Variants in MAST1 observed in about 807,000 individuals in gnomAD.
The protein encoded by MAST1 is microtubule-associated serine/threonine-protein kinase 1.
In MAST1, 40 loss-of-function variants were observed where a neutral mutation model predicts 124.6. The observed-to-expected ratio is 0.32, with a 90% CI of 0.25 to 0.42. The LOEUF (loss-of-function observed/expected upper bound fraction) is 0.42. Among genes scored for constraint, MAST1 ranks in the 10% least tolerant of loss-of-function variants. MAST1 has a pLI of 1.00. For synonymous variants in MAST1, 938 were observed against 939.4 expected, an observed-to-expected ratio of 1.00 and a Z score of 0.03; for missense variants, 1,558 against 2,181.9, an observed-to-expected ratio of 0.71 and a Z score of 5.70.
intron 22 of MAST1, 145 bp from the exon 23 acceptor site, chr19:12,870,679 A>AT (rs1970221867): frequency 3.3e-6 from 3 of 908,086 alleles, no homozygotes; most frequent in Non-Finnish European, 4.7e-6. Context: ...AAAAAAAAAA[A>AT]TGTGGGGGGA....
At position 12,873,459 on chromosome 19, in the gene MAST1, G is replaced by A; in HGVS notation, c.3399G>A (p.Pro1133=). The change falls in exon 25 of 26, where the codon CCG becomes CCA. Residue 1133 remains proline, a synonymous_variant. Transcript: ENST00000251472. The part of the protein sequence containing the change: ...SLPGSPTHGL[P]ARSPTHSYRS... ...CGGGCTCGCCTACGCACGGGCTGCCGGCGCGCTCGCCCACGCACAGCTACC... is the reference window on the plus strand; with the variant it reads ...CGGGCTCGCCTACGCACGGGCTGCCAGCGCGCTCGCCCACGCACAGCTACC... 6.2e-7 allele frequency: 1 copy of A among 1,610,616 alleles called. No individual in the cohort carries two copies. The highest frequency in any genetic ancestry group is 8.5e-7 in the Non-Finnish European group (1 of 1,179,696).
intron 12 of MAST1, among the ~76,000 whole-genome samples, chr19:12,864,523 C>T (rs1015311871): frequency 4.1e-4 from 62 of 152,242 alleles, no homozygotes; most frequent in African/African-American, 1.5e-3. Flanking sequence ...GCCTTTGTTC[C>T]CCAACTAAAC....
At chr19:12,844,335 G>T (rs6511841) in intron 4 of MAST1, among the ~76,000 whole-genome samples, 54,208 of 152,054 alleles carry the variant, frequency 0.36, 11,420 homozygotes, top group East Asian at 0.59. Context: ...CCCTTATCCA[G>T]CCATTGGCAT....
chr19:12,857,415 CTT>C (rs775653221), intron 10 of MAST1, among the ~76,000 whole-genome samples: 15 of 140,208 alleles, frequency 1.1e-4, no homozygotes, highest in Admixed American at 2.2e-4. Flanking sequence ...GGCCAAGAAT[CTT>C]TTTTTTTTTT....
At chr19:12,851,458 G>C (rs10407116) in intron 7 of MAST1, among the ~76,000 whole-genome samples, 1 of 151,428 alleles carries the variant, frequency 6.6e-6, no homozygotes, top group Non-Finnish European at 1.5e-5. Context: ...ACAGGGTCTC[G>C]CTATGGTTTT....
rs540438402 is a variant in MAST1, at chr19:12,842,647, G to C, written c.249-882G>C. On this transcript the variant is annotated intron_variant, in intron 3 of 25. Coordinates refer to ENST00000251472, the MANE Select transcript of MAST1 (RefSeq NM_014975.3). The stretch of plus-strand genomic sequence containing the variant: ...ACATGCACATGCTAATGTGTGTTGT[G>C]CACTCACATGAGCACGCGCCGATGT... Among the ~76,000 whole-genome samples, 3 of 152,304 alleles carry C rather than the reference G, an allele frequency of 2.0e-5. No homozygotes were observed. In the South Asian group the frequency reaches 6.2e-4, roughly 32 times the overall value.
intron 12 of MAST1, among the ~76,000 whole-genome samples, chr19:12,861,764 G>A (rs973933451): frequency 2.0e-5 from 3 of 146,510 alleles, no homozygotes; most frequent in Admixed American, 1.4e-4. Flanking sequence ...GTGCAGTGGC[G>A]CATCCTCGGC....
In MAST1 at chr19:12,846,171, T is replaced by C. The variant is rs76414901; in HGVS notation, c.328-1119T>C. Reference sequence around the variant, plus strand: ...GAGCCATGATTGTACTACATCCCTCTAGCCTGGGTGACACAAGGAGACCGT... The same window carrying C: ...GAGCCATGATTGTACTACATCCCTCCAGCCTGGGTGACACAAGGAGACCGT... On this transcript the variant is annotated intron_variant, in intron 4 of 25. Transcript: ENST00000251472. Among the ~76,000 whole-genome samples, 1,049 of 152,250 alleles carry C rather than the reference T, an allele frequency of 6.9e-3. 18 individuals are homozygous for C. Among genetic ancestry groups the C allele is most frequent in the African/African-American group, 0.024 (1,011 of 41,544 alleles).
At chr19:12,868,081 C>T in intron 20 of MAST1, 104 bp downstream of exon 20, 16 of 1,074,660 alleles carry the variant, frequency 1.5e-5, no homozygotes, top group Non-Finnish European at 2.0e-5. Flanking sequence ...GATCTCAGGT[C>T]CTATTCACAT....
At chr19:12,858,795 T>G (rs1970046600) in intron 12 of MAST1, 56 bp downstream of exon 12, 10 of 1,587,754 alleles carry the variant, frequency 6.3e-6, no homozygotes, top group Non-Finnish European at 7.8e-6. Context: ...TGGTCAGGGC[T>G]GCGGGGTGGC....
intron 24 of MAST1, 108 bp downstream of exon 24, chr19:12,871,280 C>G: frequency 6.7e-7 from 1 of 1,485,354 alleles, no homozygotes; most frequent in South Asian, 1.2e-5. Flanking sequence ...GTGGCGGGAA[C>G]AAATGACCAA....
intron 7 of MAST1, among the ~76,000 whole-genome samples, chr19:12,850,660 T>A (rs1482357453): frequency 6.6e-6 from 1 of 152,222 alleles, no homozygotes; most frequent in Non-Finnish European, 1.5e-5. Flanking sequence ...GTGCATACTT[T>A]TTTTTGGCTC....
intron 12 of MAST1, among the ~76,000 whole-genome samples, chr19:12,862,634 T>C (rs1970097929): frequency 6.6e-6 from 1 of 151,470 alleles, no homozygotes; most frequent in South Asian, 2.1e-4. Flanking sequence ...GGTGAAACCC[T>C]GTTGTTGTTG....
chr19:12,867,539 C>T lies in MAST1; in HGVS notation c.2205C>T (p.Ser735=). 1.9e-6 allele frequency: 3 copies of T among 1,613,784 alleles called. No homozygotes were observed. The highest frequency in any genetic ancestry group is 2.5e-6 in the Non-Finnish European group (3 of 1,179,992). The change falls in exon 19 of 26, where the codon AGC becomes AGT. Residue 735 remains serine, a synonymous_variant. Transcript: ENST00000251472. ...AGACCCCAGTAGCAGCTGCAGGGAG[C>T]AGCAAGCGGGAGCCGAGCACCAAGG... is the stretch of plus-strand genomic sequence containing the variant. ...EPKTPVAAAG[S]SKREPSTKGP...
intron 2 of MAST1, 105 bp from the exon 3 acceptor site, chr19:12,840,885 TC>T: frequency 1.3e-6 from 1 of 779,248 alleles, no homozygotes; most frequent in South Asian, 1.3e-5. Context: ...GGGCGTGGTC[TC>T]CCCATAATAG....
rs550879716 is a variant in MAST1, at chr19:12,873,889, C to G, written c.3732C>G (p.Pro1244=). ...SFPAKLHSSP[P]VVRPRPKSAE... is the part of the protein sequence containing the mutation. ...CGGCCAAACTGCACTCATCGCCTCC[C>G]GTCGTGCGCCCGCGCCCCAAGAGTG... The change falls in exon 26 of 26, where the codon CCC becomes CCG. Residue 1244 remains proline (P), a synonymous_variant. Transcript: ENST00000251472. 1.9e-5 allele frequency: 30 copies of G among 1,580,710 alleles called. No individual in the cohort carries two copies. Among genetic ancestry groups the G allele is most frequent in the Non-Finnish European group, 2.6e-5 (30 of 1,171,558 alleles).
rs1435249092 is a variant in MAST1, at chr19:12,847,422, G to A, written c.460G>A (p.Ala154Thr). The A allele has an allele frequency of 5.0e-6, 8 of 1,613,742 alleles. No individual in the cohort carries two copies. The South Asian group carries it at 8.8e-5, about 18-fold the overall frequency. Residue 154 changes from alanine to threonine, a missense_variant, in exon 5 of 26, where the codon GCC (alanine) becomes ACC (threonine). Coordinates refer to ENST00000251472, the MANE Select transcript of MAST1 (RefSeq NM_014975.3). This position sits in a 1 kb window ranked among gnomAD's most constrained non-coding sequence, Gnocchi z 5.5. Reference sequence around the variant, plus strand: ...CGAGGATGGTGGCCGTCGCTCCCCAGCCGTGCGGCCCCGCTCACGGAGCCT... The same window carrying A: ...CGAGGATGGTGGCCGTCGCTCCCCAACCGTGCGGCCCCGCTCACGGAGCCT... The part of the protein sequence containing the change: ...TDEDGGRRSP[A>T]VRPRSRSLSP...
rs58815071 is a variant in MAST1 at position 12,853,871 on chromosome 19, A to AAAT, written c.1077+1513_1077+1515dup. ...GGCAACAGAGCGAGACTCTGTCTCA[A>AAAT]AATAATAATAATAATAATAATAATA... is the stretch of plus-strand genomic sequence containing the variant. On this transcript the variant is annotated intron_variant, in intron 10 of 25. Transcript: ENST00000251472. Among the ~76,000 whole-genome samples the AAAT allele has an allele frequency of 5.9e-3, 839 of 142,934 alleles. 7 individuals are homozygous for AAAT. Among genetic ancestry groups the AAAT allele is most frequent in the African/African-American group, 0.013 (516 of 38,984 alleles). 93.8% of individuals were successfully genotyped at this position (142,934 alleles called of 152,430 possible).
Position 12,847,596 on chromosome 19 carries a change from G to C in MAST1, c.489-16G>C. 1 of 1,614,102 alleles carries C rather than the reference G, an allele frequency of 6.2e-7. No homozygotes were observed. Among genetic ancestry groups the C allele is most frequent in the South Asian group, 1.1e-5 (1 of 91,082 alleles). On this transcript the variant is annotated splice_polypyrimidine_tract_variant and intron_variant, in intron 5 of 25. Coordinates refer to ENST00000251472, the MANE Select transcript of MAST1 (RefSeq NM_014975.3). This position sits in a 1 kb window ranked among gnomAD's most constrained non-coding sequence, Gnocchi z 5.5. ...GGAGGCAGAGGACTCGACAAAATGGGCTTCTCTCCCCGCAGCCCCGGGCGC... is the reference window on the plus strand; with the variant it reads ...GGAGGCAGAGGACTCGACAAAATGGCCTTCTCTCCCCGCAGCCCCGGGCGC...
Sources: gnomAD v4.1 joint callset for allele counts (sites outside exome capture counted in the v4.1 genomes callset) on GRCh38, gnomAD v4.1.1 for gene constraint, Gnocchi (gnomAD v3.1) non-coding constraint, MANE v1.5 for transcripts, NCBI Gene and HGNC (gene_info 2026-07-23, HGNC 2026-07-21) for gene names.